The following APC variants were observed in gnomAD, a reference collection of about 807,000 sequenced individuals.
The protein encoded by APC is adenomatous polyposis coli protein.
A neutral mutation model predicts 247.0 loss-of-function variants in APC; 72 were observed. That is an observed-to-expected ratio of 0.29 (90% confidence interval 0.24 to 0.35). The LOEUF is 0.35. Among genes scored for constraint, APC ranks in the 10% least tolerant of loss-of-function variants. The pLI is 1.00. For synonymous variants in APC, 1,254 were observed against 1,162.5 expected (o/e 1.08, Z -1.60); for missense variants, 3,400 against 3,360.7 (o/e 1.01, Z -0.29).
intron 8 of APC, among the ~76,000 whole-genome samples, chr5:112,811,448 C>A (rs1316381637): frequency 6.6e-6 from 1 of 152,176 alleles, no homozygotes; most frequent in Non-Finnish European, 1.5e-5. Context: ...CAGGTCTAGC[C>A]TTAATAAAAC....
intron 11 of APC, among the ~76,000 whole-genome samples, chr5:112,822,942 C>T (rs1000601943): frequency 6.6e-6 from 1 of 152,176 alleles, no homozygotes; most frequent in African/African-American, 2.4e-5. Context: ...GGAGGCTCTG[C>T]ACCTTAAGAT....
chr5:112,742,761 A>G (rs1753194844), intron 1 of APC, among the ~76,000 whole-genome samples: 1 of 152,164 alleles, frequency 6.6e-6, no homozygotes, highest in Non-Finnish European at 1.5e-5. Context: ...TTTATTAGAT[A>G]TGAGTCACTA....
chr5:112,795,877 A>T (rs941150890), intron 7 of APC, among the ~76,000 whole-genome samples: 2 of 152,222 alleles, frequency 1.3e-5, no homozygotes, highest in Non-Finnish European at 2.9e-5. Context: ...GAGATGAGTG[A>T]AACTACAGAG....
chr5:112,734,895 A>G (rs1018595675), upstream of APC, among the ~76,000 whole-genome samples: 1 of 150,742 alleles, frequency 6.6e-6, no homozygotes, highest in Non-Finnish European at 1.5e-5. Context: ...GGTCCAAGAG[A>G]TTCTCATGCC....
intron 1 of APC, among the ~76,000 whole-genome samples, chr5:112,741,618 TA>T (rs1484748796): frequency 6.6e-6 from 1 of 152,218 alleles, no homozygotes; most frequent in Non-Finnish European, 1.5e-5. Context: ...TTTATTGTGA[TA>T]AATATACATA....
At chr5:112,779,628 A>C (rs1758109557) in intron 5 of APC, among the ~76,000 whole-genome samples, 2 of 152,166 alleles carry the variant, frequency 1.3e-5, no homozygotes, top group Admixed American at 1.3e-4. Flanking sequence ...AAAACATCAG[A>C]TCTAAACCAC....
At chr5:112,736,460 T>A (rs1389234473), upstream of APC, among the ~76,000 whole-genome samples, 1 of 152,218 alleles carries the variant, frequency 6.6e-6, no homozygotes, top group Non-Finnish European at 1.5e-5. Flanking sequence ...AATCTCACTT[T>A]CCAGGAATAA....
At chr5:112,766,269 A>G (rs1419024088) in intron 2 of APC, 57 bp from the exon 3 acceptor site, 1 of 1,262,986 alleles carries the variant, frequency 7.9e-7, no homozygotes, top group African/African-American at 1.5e-5. Flanking sequence ...GAAATACAGA[A>G]TCATGTCTTG....
At chr5:112,818,769 G>A (rs1762771243) in intron 9 of APC, among the ~76,000 whole-genome samples, 197 bp from the exon 10 acceptor site, 1 of 150,370 alleles carries the variant, frequency 6.7e-6, no homozygotes, top group South Asian at 2.1e-4. Context: ...AAACAAATTG[G>A]TGATGATACA....
chr5:112,804,742 C>T (rs1381498510), intron 8 of APC, among the ~76,000 whole-genome samples: 1 of 152,080 alleles, frequency 6.6e-6, no homozygotes, highest in South Asian at 2.1e-4. Context: ...ACCTATAATC[C>T]CAACACTTAG....
At chr5:112,711,234 G>T (rs1750827075) in intron 1 of APC, among the ~76,000 whole-genome samples, 1 of 152,192 alleles carries the variant, frequency 6.6e-6, no homozygotes, top group Non-Finnish European at 1.5e-5. Context: ...ACCTTGTTTT[G>T]AACTGCACAT....
intron 10 of APC, among the ~76,000 whole-genome samples, chr5:112,819,560 A>C (rs1762908032): frequency 6.6e-6 from 1 of 152,220 alleles, no homozygotes; most frequent in Admixed American, 6.5e-5. Flanking sequence ...AAGAACAGTA[A>C]GTCAAGAGAA....
At chr5:112,763,854 G>C (rs888811901) in intron 2 of APC, among the ~76,000 whole-genome samples, 2 of 152,214 alleles carry the variant, frequency 1.3e-5, no homozygotes, top group African/African-American at 2.4e-5. Flanking sequence ...TGAATCGACA[G>C]TCTATGTTTT....
intron 8 of APC, among the ~76,000 whole-genome samples, chr5:112,805,753 C>T (rs1459680327): frequency 6.6e-6 from 1 of 152,192 alleles, no homozygotes; most frequent in African/African-American, 2.4e-5. Flanking sequence ...AAATGAAAAT[C>T]AGTCTCTGAC....
At chr5:112,826,071 G>A (rs897625164) in intron 11 of APC, among the ~76,000 whole-genome samples, 1 of 152,134 alleles carries the variant, frequency 6.6e-6, no homozygotes, top group African/African-American at 2.4e-5. Flanking sequence ...CCCTTGGCTT[G>A]GAATTCTTGA....
chr5:112,761,813 TTATC>T (rs1430336210), intron 2 of APC, among the ~76,000 whole-genome samples: 1 of 152,164 alleles, frequency 6.6e-6, no homozygotes, highest in Non-Finnish European at 1.5e-5. Flanking sequence ...TAGGATAATC[TTATC>T]TATGTGGCCT....
chr5:112,763,242 A>T (rs1755866620), intron 2 of APC, among the ~76,000 whole-genome samples: 1 of 151,338 alleles, frequency 6.6e-6, no homozygotes, highest in Non-Finnish European at 1.5e-5. Context: ...AAAATCAACT[A>T]TTTTTTTTTA....
chr5:112,770,592 T>A (rs978545427), intron 4 of APC, among the ~76,000 whole-genome samples: 6 of 152,154 alleles, frequency 3.9e-5, no homozygotes, highest in African/African-American at 1.4e-4. Flanking sequence ...GGTTCTCAAC[T>A]CTCACTGATC....
At chr5:112,711,262 C>T (rs1243780467) in intron 1 of APC, among the ~76,000 whole-genome samples, 2 of 152,216 alleles carry the variant, frequency 1.3e-5, no homozygotes, top group Non-Finnish European at 2.9e-5. Flanking sequence ...ATCAGGGTTG[C>T]ATGTTCTTTA....
Sources: allele counts gnomAD v4.1 joint callset (sites outside exome capture counted in the v4.1 genomes callset), GRCh38; gene constraint gnomAD v4.1.1; transcripts MANE v1.5; gene names NCBI Gene and HGNC (gene_info 2026-07-23, HGNC 2026-07-21).